The following SPACA6 variants were observed in gnomAD, a reference collection of about 807,000 sequenced individuals.
SPACA6 encodes sperm acrosome associated 6, also known as sperm acrosome membrane-associated protein 6.
For synonymous variants in SPACA6, 6 were observed against 1.5 expected (o/e 4.05, Z -2.21); for missense variants, 8 against 2.8 (o/e 2.88, Z -1.34).
chr19:51,707,640 CATTT>C (rs1329693024), downstream of SPACA6, among the ~76,000 whole-genome samples: 1 of 152,198 alleles, frequency 6.6e-6, no homozygotes, highest in Non-Finnish European at 1.5e-5. Flanking sequence ...TCCTATAATT[CATTT>C]AATTCTAAAA....
chr19:51,702,283 C>T (rs2083474747), intron 3 of SPACA6, among the ~76,000 whole-genome samples: 1 of 152,130 alleles, frequency 6.6e-6, no homozygotes, highest in Admixed American at 6.6e-5. Context: ...CCACCTTAGC[C>T]TTGGTCTCCT....
chr19:51,694,627 C>G (rs963836225), intron 2 of SPACA6, 72 bp downstream of exon 2: 4 of 399,218 alleles, frequency 1.0e-5, no homozygotes, highest in Non-Finnish European at 1.3e-5. Context: ...GTGGGAGGGC[C>G]CAGGGCAGAG....
At chr19:51,697,855 A>C (rs2083441609) in intron 2 of SPACA6, among the ~76,000 whole-genome samples, 1 of 152,190 alleles carries the variant, frequency 6.6e-6, no homozygotes, top group Admixed American at 6.5e-5. Flanking sequence ...CCAGGGTCAA[A>C]TGTAGCCATG....
chr19:51,705,305 C>G (rs1201318329), downstream of SPACA6: 1 of 389,390 alleles, frequency 2.6e-6, no homozygotes, highest in Non-Finnish European at 4.6e-6. Flanking sequence ...GCATAGCTAT[C>G]CCAGTGCAAG....
At chr19:51,690,473 A>G (rs971641951), upstream of SPACA6, among the ~76,000 whole-genome samples, 4 of 151,490 alleles carry the variant, frequency 2.6e-5, no homozygotes, top group Non-Finnish European at 5.9e-5. Flanking sequence ...AGGAGTCCCC[A>G]CCTCCTCTTT....
chr19:51,701,343 C>T (rs528452233), intron 2 of SPACA6, among the ~76,000 whole-genome samples: 4 of 152,266 alleles, frequency 2.6e-5, no homozygotes, highest in South Asian at 2.1e-4. Context: ...TTATCCTCCC[C>T]TTCTCCCCCC....
At chr19:51,700,134 A>ATCCT (rs1363660726) in intron 2 of SPACA6, among the ~76,000 whole-genome samples, 4 of 152,132 alleles carry the variant, frequency 2.6e-5, no homozygotes, top group Non-Finnish European at 5.9e-5. Context: ...GGTGCCTGTA[A>ATCCT]TCCTAGCTAC....
chr19:51,691,054 C>G (rs1430024295), upstream of SPACA6, among the ~76,000 whole-genome samples: 2 of 146,466 alleles, frequency 1.4e-5, no homozygotes, highest in African/African-American at 5.1e-5. Flanking sequence ...CCCCGCCTCC[C>G]CCTTTCCTCC....
Position 51,694,459 on chromosome 19 carries a change from C to T in SPACA6, c.215-19C>T, listed in dbSNP as rs949135196. 1.3e-5 allele frequency: 5 copies of T among 399,612 alleles called. No individual in the cohort carries two copies. In the South Asian group the frequency reaches 6.3e-4, roughly 50 times the overall value. The allele number at this position is 399,612 out of a possible 1,614,324, so 24.8% of individuals were successfully genotyped here. On this transcript the variant is annotated intron_variant, in intron 1 of 8. Transcript: ENST00000637797. ...GGGGAGCTGCCTCCCCCAGCCCCTG[C>T]TCCCTCCCTCACCGCCAGACTATGA...
upstream of SPACA6, among the ~76,000 whole-genome samples, chr19:51,691,394 G>T (rs529527306): frequency 2.0e-5 from 3 of 151,284 alleles, no homozygotes; most frequent in South Asian, 6.3e-4. Context: ...CGAAAAAAGG[G>T]GGTGGAGAAG....
At chr19:51,704,211 G>C (rs1199078986) in intron 7 of SPACA6, 25 bp downstream of exon 7, 8 of 400,886 alleles carry the variant, frequency 2.0e-5, no homozygotes, top group Non-Finnish European at 3.1e-5. Flanking sequence ...GGCCGCGTGA[G>C]TGAGCGGGGT....
At chr19:51,699,834 G>A (rs577824124) in intron 2 of SPACA6, among the ~76,000 whole-genome samples, 12 of 152,218 alleles carry the variant, frequency 7.9e-5, no homozygotes, top group South Asian at 6.2e-4. Context: ...TGGGCGGCAC[G>A]ATTTAGCCGA....
intron 2 of SPACA6, among the ~76,000 whole-genome samples, chr19:51,695,837 G>T (rs2083427011): frequency 6.6e-6 from 1 of 152,310 alleles, no homozygotes; most frequent in African/African-American, 2.4e-5. Flanking sequence ...CTGGGGCCGT[G>T]AAGGTGGAGA....
chr19:51,706,450 C>T (rs1427201812), downstream of SPACA6, among the ~76,000 whole-genome samples: 2 of 152,138 alleles, frequency 1.3e-5, no homozygotes, highest in Non-Finnish European at 2.9e-5. Flanking sequence ...CCCCAGTGGC[C>T]TCCTTATTAG....
At chr19:51,691,729 G>C (rs2083374781), upstream of SPACA6, among the ~76,000 whole-genome samples, 3 of 151,942 alleles carry the variant, frequency 2.0e-5, no homozygotes, top group Admixed American at 1.3e-4. Flanking sequence ...CTGGAGCAGG[G>C]GCAGCGAGAA....
chr19:51,695,815 C>G (rs368485012), intron 2 of SPACA6, among the ~76,000 whole-genome samples: 1 of 152,142 alleles, frequency 6.6e-6, no homozygotes, highest in African/African-American at 2.4e-5. Flanking sequence ...AGAGCGGAGG[C>G]CCGAGTGGGG....
At chr19:51,686,660 G>T (rs1267936441), upstream of SPACA6, 1 of 152,216 alleles carries the variant, frequency 6.6e-6, no homozygotes, top group Non-Finnish European at 1.5e-5. Flanking sequence ...AGGAGCCAGA[G>T]AGGCCTGGGT....
the SPACA6 span, among the ~76,000 whole-genome samples, chr19:51,682,837 G>GT: frequency 6.6e-6 from 1 of 151,948 alleles, no homozygotes; most frequent in Non-Finnish European, 1.5e-5. Context: ...GAGGTCAGGC[G>GT]TTTGAGACCA....
At chr19:51,688,776 G>C (rs1361585421), upstream of SPACA6, among the ~76,000 whole-genome samples, 6 of 152,174 alleles carry the variant, frequency 3.9e-5, no homozygotes, top group East Asian at 1.2e-3. Context: ...AAAGAGGATG[G>C]AGATAGGGAG....
Sources: allele counts gnomAD v4.1 joint callset (sites outside exome capture counted in the v4.1 genomes callset), GRCh38; gene constraint gnomAD v4.1.1; transcripts MANE v1.5; gene names NCBI Gene and HGNC (gene_info 2026-07-23, HGNC 2026-07-21).